SETBP1: variants seen among roughly 807,000 people sequenced by gnomAD.
SETBP1 encodes the protein SET binding protein 1, also known as SET-binding protein.
A neutral mutation model predicts 101.0 loss-of-function variants in SETBP1; 9 were observed. The ratio of observed to expected loss-of-function variants is 0.09; its 90% CI spans 0.05 to 0.16. SETBP1 has a LOEUF of 0.16. Among genes scored for constraint, SETBP1 ranks in the 10% least tolerant of loss-of-function variants. The pLI is 1.00. For missense variants in SETBP1, 1,858 were observed against 2,033.8 expected (o/e 0.91, Z 1.66); for synonymous variants, 818 against 788.5 (o/e 1.04, Z -0.63).
At chr18:44,841,713 C>T (rs1272091177) in intron 2 of SETBP1, among the ~76,000 whole-genome samples, 1 of 152,156 alleles carries the variant, frequency 6.6e-6, no homozygotes, top group Non-Finnish European at 1.5e-5. Context: ...ATTAAGCTGG[C>T]TTATCAGCAT....
intron 3 of SETBP1, among the ~76,000 whole-genome samples, chr18:44,948,116 G>T (rs947221503): frequency 5.3e-5 from 8 of 152,174 alleles, no homozygotes; most frequent in African/African-American, 1.9e-4. Flanking sequence ...ACCCTCAAGT[G>T]GTCGGATTAA....
intron 4 of SETBP1, among the ~76,000 whole-genome samples, chr18:44,959,197 T>G (rs1158701994): frequency 1.3e-5 from 2 of 152,190 alleles, no homozygotes; most frequent in Non-Finnish European, 2.9e-5. Context: ...GAAGTTACAA[T>G]TTTGACAGAC....
intron 2 of SETBP1, among the ~76,000 whole-genome samples, chr18:44,737,792 T>C (rs1054656278): frequency 2.6e-5 from 4 of 152,236 alleles, no homozygotes; most frequent in African/African-American, 9.6e-5. Context: ...GAAGTGTAGT[T>C]GTGTTGGGCC....
chr18:44,897,060 G>T (rs115873085), intron 3 of SETBP1, among the ~76,000 whole-genome samples: 128 of 152,292 alleles, frequency 8.4e-4, no homozygotes, highest in Middle Eastern at 3.4e-3. Flanking sequence ...TTCTGGTGGG[G>T]CAGCTGTGCA....
intron 2 of SETBP1, among the ~76,000 whole-genome samples, chr18:44,791,444 A>T (rs1186892998): frequency 6.6e-6 from 1 of 152,152 alleles, no homozygotes; most frequent in East Asian, 1.9e-4. Flanking sequence ...ATGCACACCC[A>T]CACAGATAAA....
chr18:44,946,819 T>C (rs2071218103), intron 3 of SETBP1, among the ~76,000 whole-genome samples: 1 of 152,112 alleles, frequency 6.6e-6, no homozygotes, highest in South Asian at 2.1e-4. Flanking sequence ...AGTACACAAA[T>C]AAATGCCACC....
chr18:44,791,674 T>TC (rs2071374192), intron 2 of SETBP1, among the ~76,000 whole-genome samples: 2 of 152,146 alleles, frequency 1.3e-5, no homozygotes, highest in Admixed American at 1.3e-4. Context: ...GCTGGGCTTC[T>TC]CCCTGTCTAA....
In SETBP1 at chr18:44,925,213, A is replaced by G. The variant is rs182340849; in HGVS notation, c.541-24668A>G. Reference sequence around the variant, plus strand: ...ATCTTAGTTCCATCTCCAAAAATGTATGTTTTTTTTTCACCCTGAAAATTC... The same window carrying G: ...ATCTTAGTTCCATCTCCAAAAATGTGTGTTTTTTTTTCACCCTGAAAATTC... On this transcript the variant is annotated intron_variant, in intron 3 of 5. Coordinates refer to ENST00000649279, the MANE Select transcript of SETBP1 (RefSeq NM_015559.3). 1.2e-3 allele frequency among the ~76,000 whole-genome samples: 180 copies of G among 151,296 alleles called. 1 individual carries two copies. Among genetic ancestry groups the G allele is most frequent in the Non-Finnish European group, 2.0e-3 (137 of 67,864 alleles).
intron 4 of SETBP1, among the ~76,000 whole-genome samples, chr18:44,995,287 A>G (rs1003118529): frequency 1.3e-5 from 2 of 151,506 alleles, no homozygotes; most frequent in Admixed American, 1.3e-4. Flanking sequence ...GACTACAGGC[A>G]CCTGCCACCA....
rs1289767271 is a variant in SETBP1 at position 44,950,350 on chromosome 18, C to G, written c.1010C>G (p.Ser337Cys). ...EPPTVGSKKKSSKKDVISQTI... is the reference protein window; with the variant it reads ...EPPTVGSKKKCSKKDVISQTI... ...CCTACGGTGGGCAGCAAGAAAAAGT[C>G]CAGTAAAAAAGATGTGATAAGTCAG... is the stretch of plus-strand genomic sequence containing the variant. Residue 337 changes from serine (S) to cysteine (C), a missense_variant, in exon 4 of 6, where the codon TCC (serine) becomes TGC (cysteine). Ser to Cys is a moderately radical substitution (Grantham distance 112, BLOSUM62 -1). Transcript: ENST00000649279. 4 of 1,613,820 alleles carry G rather than the reference C, an allele frequency of 2.5e-6. No individual in the cohort carries two copies. In the East Asian group the frequency reaches 6.7e-5, roughly 27 times the overall value.
chr18:44,836,909 C>CACTT (rs1287118036), intron 2 of SETBP1, among the ~76,000 whole-genome samples: 2 of 152,282 alleles, frequency 1.3e-5, no homozygotes, highest in African/African-American at 4.8e-5. Flanking sequence ...GGGGCCCTGT[C>CACTT]ACTTACATCC....
chr18:44,701,003 T>A (rs2069106541), intron 1 of SETBP1, among the ~76,000 whole-genome samples, 172 bp from the exon 2 acceptor site: 1 of 152,234 alleles, frequency 6.6e-6, no homozygotes, highest in Admixed American at 6.5e-5. Flanking sequence ...TTTTTCCCTC[T>A]GCTCTAGTAA....
intron 3 of SETBP1, among the ~76,000 whole-genome samples, chr18:44,939,100 T>A (rs1211857288): frequency 6.6e-6 from 1 of 152,106 alleles, no homozygotes; most frequent in East Asian, 1.9e-4. Context: ...GTACATATAC[T>A]GAAATGTACA....
At chr18:45,004,632 CT>C (rs1203926199) in intron 4 of SETBP1, among the ~76,000 whole-genome samples, 1 of 152,220 alleles carries the variant, frequency 6.6e-6, no homozygotes. Context: ...ACCTGACAGC[CT>C]TTCCACCACT....
chr18:44,936,571 G>A (rs1037605478), intron 3 of SETBP1, among the ~76,000 whole-genome samples: 8 of 152,118 alleles, frequency 5.3e-5, no homozygotes, highest in Admixed American at 1.3e-4. Context: ...TCTCGACCAC[G>A]GGGAAGCCCC....
chr18:44,818,207 AT>A (rs988248297), intron 2 of SETBP1, among the ~76,000 whole-genome samples: 2 of 152,020 alleles, frequency 1.3e-5, no homozygotes, highest in South Asian at 2.1e-4. Context: ...TTTGAGAAGC[AT>A]TTTTTTTAAT....
At chr18:44,782,050 G>T (rs1309840715) in intron 2 of SETBP1, among the ~76,000 whole-genome samples, 1 of 152,166 alleles carries the variant, frequency 6.6e-6, no homozygotes, top group African/African-American at 2.4e-5. Flanking sequence ...ATTCCCTTCT[G>T]GTCTGGGGAT....
intron 1 of SETBP1, among the ~76,000 whole-genome samples, chr18:44,693,046 A>G (rs902299348): frequency 6.6e-6 from 1 of 152,178 alleles, no homozygotes; most frequent in East Asian, 1.9e-4. Flanking sequence ...AGGGTCAGAG[A>G]ACCATGGTGT....
chr18:44,859,456 G>A (rs1289188021), intron 2 of SETBP1, among the ~76,000 whole-genome samples: 1 of 152,174 alleles, frequency 6.6e-6, no homozygotes, highest in Non-Finnish European at 1.5e-5. Flanking sequence ...ATCATGGATG[G>A]CTGAGACAGA....
Sources: allele counts gnomAD v4.1 joint callset (sites outside exome capture counted in the v4.1 genomes callset), GRCh38; gene constraint gnomAD v4.1.1; transcripts MANE v1.5; gene names NCBI Gene and HGNC (gene_info 2026-07-23, HGNC 2026-07-21).